DST: variants seen among roughly 807,000 people sequenced by gnomAD.
DST encodes the protein bullous pemphigoid antigen.
In DST, 253 loss-of-function variants were observed where a neutral mutation model predicts 875.2. The ratio of observed to expected loss-of-function variants is 0.29; its 90% CI spans 0.26 to 0.32. DST has a LOEUF of 0.32. Among genes scored for constraint, DST ranks in the 10% least tolerant of loss-of-function variants. DST has a pLI of 1.00. For missense variants in DST, 8,287 were observed against 9,111.6 expected, an observed-to-expected ratio of 0.91 and a Z score of 3.68; for synonymous variants, 3,124 against 3,197.1, an observed-to-expected ratio of 0.98 and a Z score of 0.77.
intron 5 of DST, among the ~76,000 whole-genome samples, chr6:56,708,372 A>G (rs1442731585): frequency 6.6e-6 from 1 of 152,214 alleles, no homozygotes; most frequent in Admixed American, 6.5e-5. Flanking sequence ...CTTATGGCTT[A>G]ATTTTTTAAG....
At chr6:56,653,633 C>A (rs540489582) in intron 10 of DST, among the ~76,000 whole-genome samples, 1 of 152,002 alleles carries the variant, frequency 6.6e-6, no homozygotes, top group Admixed American at 6.5e-5. Flanking sequence ...TGCAGTGAGC[C>A]GAGATCATGC....
chr6:56,608,521 T>A lies in DST; in HGVS notation c.6107A>T (p.Gln2036Leu). Residue 2036 changes from glutamine to leucine, a missense_variant, in exon 40 of 104, where the codon CAG becomes CTG. Gln to Leu is a moderately radical substitution (Grantham distance 113). Transcript: ENST00000680361. ...AGTTAAACGCTTGGCAGGGTTTGAC[T>A]GGATGATTCCACCAGTTTGAACCTG... Reference protein sequence around the residue: ...TYQVQTGGIIQSNPAKRLTVD... With the variant: ...TYQVQTGGIILSNPAKRLTVD... 1 of 1,613,624 alleles carries A rather than the reference T, an allele frequency of 6.2e-7. No individual in the cohort carries two copies. Among genetic ancestry groups the A allele is most frequent in the South Asian group, 1.1e-5 (1 of 91,064 alleles).
In DST at chr6:56,530,098, T is replaced by C. The variant is rs553686222; in HGVS notation, c.17144A>G (p.Gln5715Arg). 1 of 1,552,650 alleles carries C rather than the reference T, an allele frequency of 6.4e-7. No homozygotes were observed. The highest frequency in any genetic ancestry group is 1.5e-5 in the African/African-American group (1 of 68,952). ...TGGTTCTAAGGTTTCATGAAATTGC[T>C]GTGCTACCACCGAGATACCTTCCAA... The part of the protein sequence containing the change: ...RQLEGISVVA[Q>R]QFHETLEPLN... Residue 5715 changes from glutamine (Q) to arginine (R), a missense_variant, in exon 65 of 104, where the codon CAG becomes CGG. Physicochemically the swap from Gln to Arg is conservative, Grantham distance 43. Transcript: ENST00000680361.
chr6:56,901,132 AGGTGGCACAAAGGGTATG>A (rs937467346), intron 2 of DST, among the ~76,000 whole-genome samples: 1 of 152,226 alleles, frequency 6.6e-6, no homozygotes, highest in African/African-American at 2.4e-5. Flanking sequence ...GGAAGCAACG[AGGTGGCACAAAGGGTATG>A]GGTTTGGGCG....
intron 4 of DST, among the ~76,000 whole-genome samples, chr6:56,807,659 T>C (rs545594588): frequency 6.6e-6 from 1 of 152,242 alleles, no homozygotes; most frequent in African/African-American, 2.4e-5. Context: ...TTTCAACAAA[T>C]AGTGCTGGAA....
intron 4 of DST, among the ~76,000 whole-genome samples, chr6:56,835,282 T>C (rs1339277180): frequency 2.0e-5 from 3 of 152,210 alleles, no homozygotes; most frequent in Middle Eastern, 3.2e-3. Context: ...ATATTATGCA[T>C]TTGTCAAAAC....
intron 3 of DST, among the ~76,000 whole-genome samples, chr6:56,872,678 C>G (rs902510447): frequency 6.6e-6 from 1 of 152,024 alleles, no homozygotes; most frequent in African/African-American, 2.4e-5. Context: ...GAAAAAGAGA[C>G]CATATCATTA....
rs2098973996 is a variant in DST at position 56,651,221 on chromosome 6, G to A, written c.1238C>T (p.Thr413Ile). The A allele has an allele frequency of 1.2e-6, 2 of 1,608,548 alleles. No individual in the cohort carries two copies. Among genetic ancestry groups the A allele is most frequent in the African/African-American group, 2.7e-5 (2 of 74,846 alleles). ...TGCAAGGTTGCTTTGAACAGCAACAGTATTCATATCTATCAGGTCCGGCCT... is the reference window on the plus strand; with the variant it reads ...TGCAAGGTTGCTTTGAACAGCAACAATATTCATATCTATCAGGTCCGGCCT... ...KYRPDLIDMN[T>I]VAVQSNLANL... The change falls in exon 11 of 104, where the codon ACT (threonine) becomes ATT (isoleucine). Residue 413 changes from threonine to isoleucine, a missense_variant. By Grantham distance (89) the Thr-to-Ile change is moderately conservative. This residue lies in a region of DST where 1,160 missense variants were observed against 1,424.3 expected (regional missense o/e 0.81). Transcript: ENST00000680361.
intron 4 of DST, among the ~76,000 whole-genome samples, chr6:56,844,535 A>G (rs984364093): frequency 1.3e-5 from 2 of 152,206 alleles, no homozygotes; most frequent in Non-Finnish European, 2.9e-5. Flanking sequence ...TTAAGCGTCC[A>G]TTGGAGGAAC....
At position 56,607,288 on chromosome 6, in the gene DST, C is replaced by T. The variant is rs374670857; in HGVS notation, c.7340G>A (p.Ser2447Asn). The change falls in exon 40 of 104, where the codon AGT becomes AAT. Residue 2447 changes from serine to asparagine, a missense_variant. Physicochemically the swap from Ser to Asn is conservative, Grantham distance 46. Coordinates refer to ENST00000680361, the MANE Select transcript of DST (RefSeq NM_001374736.1). ...GTGTGTATCATTAAAACTTCCCTGA[C>T]TGTGCATCAATTTATCATGACTTAA... The part of the protein sequence containing the change: ...ALLSHDKLMH[S>N]QGSFNDTHTP... The T allele has an allele frequency of 1.9e-6, 3 of 1,613,396 alleles. No individual in the cohort carries two copies. The highest frequency in any genetic ancestry group is 2.5e-6 in the Non-Finnish European group (3 of 1,179,642).
intron 3 of DST, among the ~76,000 whole-genome samples, chr6:56,889,441 T>C (rs1208062410): frequency 1.3e-5 from 2 of 152,328 alleles, no homozygotes; most frequent in African/African-American, 4.8e-5. Context: ...ATCCCATTGC[T>C]TGATGGTGGT....
chr6:56,529,902 C>T, intron 65 of DST, 72 bp downstream of exon 65: 2 of 1,569,106 alleles, frequency 1.3e-6, no homozygotes, highest in Non-Finnish European at 1.7e-6. Flanking sequence ...AACAATAGTA[C>T]ATAACTCAAA....
intron 39 of DST, 93 bp from the exon 40 acceptor site, chr6:56,609,437 C>T (rs898480165): frequency 1.0e-5 from 9 of 882,818 alleles, no homozygotes; most frequent in Middle Eastern, 4.6e-4. Context: ...ATAAATAATA[C>T]ATTTCAACAT....
intron 2 of DST, among the ~76,000 whole-genome samples, chr6:56,952,405 C>T (rs1336777516): frequency 1.3e-5 from 2 of 152,098 alleles, no homozygotes; most frequent in Non-Finnish European, 2.9e-5. Flanking sequence ...GGTGTTTGCA[C>T]TCTGTCAATT....
intron 66 of DST, 98 bp downstream of exon 66, chr6:56,529,350 C>T (rs776550894): frequency 1.7e-5 from 18 of 1,045,320 alleles, no homozygotes; most frequent in African/African-American, 3.2e-5. Context: ...AGCAATTCAT[C>T]GAAATCATCA....
At chr6:56,727,989 T>C (rs975592744) in intron 5 of DST, among the ~76,000 whole-genome samples, 3 of 152,192 alleles carry the variant, frequency 2.0e-5, no homozygotes, top group African/African-American at 7.2e-5. Flanking sequence ...AGATAATGTA[T>C]GTAATGTATC....
intron 3 of DST, chr6:56,852,164 T>C (rs1046585008): frequency 3.3e-5 from 25 of 768,338 alleles, no homozygotes; most frequent in Non-Finnish European, 4.0e-5. Context: ...ATTTTCTTCA[T>C]GAGACTGAAG....
intron 88 of DST, chr6:56,484,465 A>G (rs2095498631): frequency 6.6e-6 from 1 of 152,186 alleles, no homozygotes; most frequent in Admixed American, 6.5e-5. Context: ...GTAAGATCAA[A>G]ATAGCATAAC....
intron 4 of DST, among the ~76,000 whole-genome samples, chr6:56,768,140 G>A (rs1284861272): frequency 6.6e-6 from 1 of 152,110 alleles, no homozygotes; most frequent in Non-Finnish European, 1.5e-5. Flanking sequence ...GTTTAAAAAG[G>A]TAACCATTGT....
Sources: allele counts gnomAD v4.1 joint callset (sites outside exome capture counted in the v4.1 genomes callset), GRCh38; gene constraint gnomAD v4.1.1; regional missense constraint gnomAD v4.1.1; transcripts MANE v1.5; gene names NCBI Gene and HGNC (gene_info 2026-07-23, HGNC 2026-07-21).